PCDHA8: variants seen among roughly 807,000 people sequenced by gnomAD.
PCDHA8 encodes protocadherin alpha 8, also known as protocadherin alpha-8.
Under a neutral mutation model 61.8 loss-of-function variants are expected in PCDHA8, and 53 were observed. That is an observed-to-expected ratio of 0.86 (90% CI 0.69 to 1.08). The LOEUF (loss-of-function observed/expected upper bound fraction) is 1.08, where lower values mean the gene tolerates loss of function less well. Ranked by LOEUF, PCDHA8 falls within the 50% of genes least tolerant of loss-of-function variation. The pLI, the probability that PCDHA8 is intolerant of heterozygous loss-of-function variation, is 0.00. For synonymous variants in PCDHA8, 618 were observed against 556.6 expected, an observed-to-expected ratio of 1.11 and a Z score of -1.55; for missense variants, 1,293 against 1,245.0, an observed-to-expected ratio of 1.04 and a Z score of -0.58.
intron 1 of PCDHA8, chr5:140,856,766 A>C: frequency 1.3e-6 from 2 of 1,596,904 alleles, no homozygotes. Context: ...TAACGCCCCT[A>C]TCTTTGACAG....
intron 1 of PCDHA8, among the ~76,000 whole-genome samples, chr5:140,895,744 G>T (rs534394379): frequency 6.6e-6 from 1 of 152,182 alleles, no homozygotes; most frequent in Admixed American, 6.5e-5. Flanking sequence ...GCTGCAAAGG[G>T]CATGATCTTT....
In PCDHA8 at chr5:140,842,631, C is replaced by G; in HGVS notation, c.1310C>G (p.Ala437Gly). 4 of 1,595,224 alleles carry G rather than the reference C, an allele frequency of 2.5e-6. 2 individuals are homozygous for G. The South Asian group carries it at 4.4e-5, about 18-fold the overall frequency. Reference protein sequence around the residue: ...ARDGGSPSLWATASLSVEVAD... With the variant: ...ARDGGSPSLWGTASLSVEVAD... ...GACGGGGGCTCGCCTTCGCTGTGGG[C>G]CACCGCCAGCTTGTCTGTGGAGGTG... Residue 437 changes from alanine (A) to glycine (G), a missense_variant, in exon 1 of 4, where the codon GCC (alanine) becomes GGC (glycine). By Grantham distance (60) the Ala-to-Gly change is moderately conservative (BLOSUM62 0). Transcript: ENST00000531613.
intron 1 of PCDHA8, chr5:140,875,963 T>C: frequency 4.3e-6 from 7 of 1,614,122 alleles, no homozygotes; most frequent in Non-Finnish European, 5.9e-6. Context: ...GATATCGGCG[T>C]AAACTCTCTT....
At chr5:140,881,025 C>A (rs1554171683) in intron 1 of PCDHA8, among the ~76,000 whole-genome samples, 1 of 152,216 alleles carries the variant, frequency 6.6e-6, no homozygotes, top group Admixed American at 6.5e-5. Context: ...ATAAACCCAA[C>A]AGTCATTTCC....
intron 1 of PCDHA8, among the ~76,000 whole-genome samples, chr5:140,952,031 A>G (rs782611414): frequency 1.6e-4 from 24 of 152,232 alleles, no homozygotes; most frequent in Admixed American, 4.6e-4. Context: ...TCCGAAATCC[A>G]GTAGGGCAGT....
chr5:141,010,274 T>C lies in PCDHA8; in HGVS notation c.*337T>C, dbSNP rs1554262865. On this transcript the variant is annotated 3_prime_UTR_variant, in exon 4 of 4. Coordinates refer to ENST00000531613, the MANE Select transcript of PCDHA8 (RefSeq NM_018911.3). ...TCTGCCCTGTGCTCCGGGGATCCTG[T>C]CTTGATGACACTTGCAGGGCAGGCT... is the stretch of plus-strand genomic sequence containing the variant. The C allele has an allele frequency of 6.4e-7, 1 of 1,551,424 alleles. No homozygotes were observed. Among genetic ancestry groups the C allele is most frequent in the Admixed American group, 2.0e-5 (1 of 50,930 alleles).
intron 1 of PCDHA8, chr5:140,884,055 C>T (rs782119019): frequency 2.2e-5 from 36 of 1,613,356 alleles, no homozygotes; most frequent in Non-Finnish European, 1.7e-6. Flanking sequence ...AAGGTGCGCG[C>T]GGTGGACGCC....
At chr5:140,862,843 C>T (rs781903712) in intron 1 of PCDHA8, 3 of 572,390 alleles carry the variant, frequency 5.2e-6, no homozygotes, top group African/African-American at 2.0e-5. Flanking sequence ...GGGCATGCCG[C>T]CTCTGAGCAG....
At chr5:140,926,053 C>T (rs768010675) in intron 1 of PCDHA8, among the ~76,000 whole-genome samples, 10 of 152,230 alleles carry the variant, frequency 6.6e-5, no homozygotes, top group Non-Finnish European at 1.5e-4. Context: ...CCCCAACCTT[C>T]TTCCCCTCCT....
chr5:141,010,368 C>T lies in PCDHA8; in HGVS notation c.*431C>T, dbSNP rs368481822. ...GGTATGTGTGGCTACCGCGGGTATG[C>T]GAGTGCCAGATATTGGCTGAGACGA... On this transcript the variant is annotated 3_prime_UTR_variant, in exon 4 of 4. Coordinates refer to ENST00000531613, the MANE Select transcript of PCDHA8 (RefSeq NM_018911.3). The T allele has an allele frequency of 8.2e-6, 12 of 1,470,936 alleles. No homozygotes were observed. The East Asian group carries it at 1.7e-4, about 21-fold the overall frequency. 91.1% of individuals were successfully genotyped at this position (1,470,936 alleles called of 1,614,324 possible). A position where few individuals can be genotyped will look rare whatever the true frequency, so the allele number is the denominator to read the frequency against.
intron 1 of PCDHA8, among the ~76,000 whole-genome samples, chr5:140,937,993 G>A (rs1554211932): frequency 6.6e-6 from 1 of 151,358 alleles, no homozygotes. Flanking sequence ...TGTTAACTTT[G>A]TATCCAATGT....
intron 1 of PCDHA8, chr5:140,875,600 C>T: frequency 6.2e-7 from 1 of 1,613,884 alleles, no homozygotes; most frequent in Non-Finnish European, 8.5e-7. Context: ...AAACACGGCA[C>T]CTTCGTGGGC....
chr5:140,887,018 G>C (rs965813784), intron 1 of PCDHA8, among the ~76,000 whole-genome samples: 70 of 151,906 alleles, frequency 4.6e-4, no homozygotes, highest in African/African-American at 1.6e-3. Context: ...CCTACTGCCT[G>C]AAAAATTTCT....
At chr5:140,982,434 T>A in intron 2 of PCDHA8, 41 bp from the exon 3 acceptor site, 1 of 1,613,270 alleles carries the variant, frequency 6.2e-7, no homozygotes, top group Non-Finnish European at 8.5e-7. Flanking sequence ...TGGGAAAGAA[T>A]TTATGATCTA....
intron 1 of PCDHA8, chr5:140,884,038 G>A (rs1554181095): frequency 6.2e-7 from 1 of 1,613,432 alleles, no homozygotes; most frequent in South Asian, 1.1e-5. Context: ...CAGGCCACGT[G>A]GTGGCGAAGG....
intron 2 of PCDHA8, among the ~76,000 whole-genome samples, chr5:140,979,916 A>C (rs369427870): frequency 4.1e-4 from 63 of 152,376 alleles, no homozygotes; most frequent in African/African-American, 1.4e-3. Context: ...CGTAAAGAGA[A>C]AGCCTACAAA....
intron 3 of PCDHA8, among the ~76,000 whole-genome samples, chr5:140,989,551 C>T (rs964653534): frequency 2.0e-5 from 3 of 152,178 alleles, no homozygotes; most frequent in African/African-American, 4.8e-5. Flanking sequence ...AATTCCTTTA[C>T]GTTTTGTGGC....
At position 140,849,642 on chromosome 5, in the gene PCDHA8, G is replaced by A. The variant is rs2150443693; in HGVS notation, c.2394+5927G>A. 5 of 1,598,584 alleles carry A rather than the reference G, an allele frequency of 3.1e-6. No individual in the cohort carries two copies. The African/African-American group carries it at 4.0e-5, about 13-fold the overall frequency. Reference sequence around the variant, plus strand: ...GATCGACCTAGACGCAGATGCCAACGGGCAGGTTACCTGCTCCCTGACGCC... The same window carrying A: ...GATCGACCTAGACGCAGATGCCAACAGGCAGGTTACCTGCTCCCTGACGCC... On this transcript the variant is annotated intron_variant, in intron 1 of 3. Coordinates refer to ENST00000531613, the MANE Select transcript of PCDHA8 (RefSeq NM_018911.3).
chr5:140,970,774 A>G (rs1554232727), intron 1 of PCDHA8, among the ~76,000 whole-genome samples: 2 of 152,218 alleles, frequency 1.3e-5, no homozygotes, highest in Admixed American at 1.3e-4. Context: ...TGCTGTACAT[A>G]CATATTGTAT....
Sources: gnomAD v4.1 joint callset for allele counts (sites outside exome capture counted in the v4.1 genomes callset) on GRCh38, gnomAD v4.1.1 for gene constraint, MANE v1.5 for transcripts, NCBI Gene and HGNC (gene_info 2026-07-23, HGNC 2026-07-21) for gene names.